Variants in TNFRSF19 observed in about 807,000 individuals in gnomAD.
TNFRSF19 encodes the protein TNF receptor superfamily member 19.
Under a neutral mutation model 46.4 loss-of-function variants are expected in TNFRSF19, and 27 were observed. The observed-to-expected ratio is 0.58, with a 90% CI of 0.43 to 0.80. TNFRSF19 has a LOEUF of 0.80. Ranked by LOEUF, TNFRSF19 falls within the 30% of genes least tolerant of loss-of-function variation. The pLI is 0.00. For missense variants in TNFRSF19, 511 were observed against 530.8 expected, an observed-to-expected ratio of 0.96 and a Z score of 0.37; for synonymous variants, 204 against 205.0, an observed-to-expected ratio of 1.00 and a Z score of 0.04.
At chr13:23,661,002 A>T (rs371736897) in intron 7 of TNFRSF19, among the ~76,000 whole-genome samples, 3 of 152,224 alleles carry the variant, frequency 2.0e-5, no homozygotes, top group Non-Finnish European at 2.9e-5. Flanking sequence ...TTCAAAGGGA[A>T]ACTGGTCTCT....
rs1218571778 is a variant in TNFRSF19 at position 23,570,631 on chromosome 13, A to G, written c.-252A>G. ...AGTGAACTTTCTTTGATATCCATGC[A>G]TATATATAAACTCAGCCCTGCCTTT... On this transcript the variant is annotated 5_prime_UTR_variant, in exon 1 of 10. Transcript: ENST00000248484. 6.6e-6 allele frequency: 1 copy of G among 150,932 alleles called. No individual in the cohort carries two copies. Among genetic ancestry groups the G allele is most frequent in the Non-Finnish European group, 1.5e-5 (1 of 68,050 alleles). 9.3% of individuals were successfully genotyped at this position (150,932 alleles called of 1,614,324 possible).
intron 1 of TNFRSF19, among the ~76,000 whole-genome samples, chr13:23,574,810 AG>A (rs1280549361): frequency 6.6e-6 from 1 of 152,202 alleles, no homozygotes; most frequent in African/African-American, 2.4e-5. Flanking sequence ...TACTGTCACT[AG>A]TCATTCAGCT....
intron 3 of TNFRSF19, among the ~76,000 whole-genome samples, chr13:23,607,900 C>T (rs1223516662): frequency 4.6e-5 from 7 of 152,150 alleles, no homozygotes; most frequent in Non-Finnish European, 7.3e-5. Flanking sequence ...CTTTCCTCTG[C>T]GGTTTTATTT....
chr13:23,636,057 G>A (rs766598985), intron 5 of TNFRSF19, among the ~76,000 whole-genome samples: 35 of 152,146 alleles, frequency 2.3e-4, no homozygotes, highest in Non-Finnish European at 4.7e-4. Context: ...GGGTCCGTTA[G>A]TGAGACGTCT....
intron 3 of TNFRSF19, among the ~76,000 whole-genome samples, chr13:23,614,549 C>T (rs893310203): frequency 2.0e-5 from 3 of 152,092 alleles, no homozygotes; most frequent in Admixed American, 6.6e-5. Flanking sequence ...TTCTTGCAAG[C>T]CTTTCTTCCT....
At chr13:23,598,529 A>G (rs1879900713) in intron 3 of TNFRSF19, among the ~76,000 whole-genome samples, 1 of 152,208 alleles carries the variant, frequency 6.6e-6, no homozygotes, top group Admixed American at 6.5e-5. Flanking sequence ...CTGAGATAGC[A>G]GGCATTTTCC....
At chr13:23,583,103 T>G (rs1007089323) in intron 1 of TNFRSF19, among the ~76,000 whole-genome samples, 10 of 152,252 alleles carry the variant, frequency 6.6e-5, no homozygotes, top group African/African-American at 2.4e-4. Flanking sequence ...TAAAGGTGTG[T>G]GCTTAACATT....
Position 23,673,884 on chromosome 13 carries a change from G to T in TNFRSF19, c.*504G>T, listed in dbSNP as rs1951791956. ...AAAAGTGAGTGTTTCTATTTGAGAA[G>T]GACACTTTTTCATCATCTAAACTGA... On this transcript the variant is annotated 3_prime_UTR_variant, in exon 10 of 10. Coordinates refer to ENST00000248484, the MANE Select transcript of TNFRSF19 (RefSeq NM_148957.4). 1 of 152,608 alleles carries T rather than the reference G, an allele frequency of 6.6e-6. No individual in the cohort carries two copies. The highest frequency in any genetic ancestry group is 2.1e-4 in the South Asian group (1 of 4,834). The allele number at this position is 152,608 out of a possible 1,614,324, so 9.5% of individuals were successfully genotyped here. A position where few individuals can be genotyped will look rare whatever the true frequency, so the allele number is the denominator to read the frequency against.
At chr13:23,611,188 G>A (rs551208608) in intron 3 of TNFRSF19, among the ~76,000 whole-genome samples, 1 of 152,032 alleles carries the variant, frequency 6.6e-6, no homozygotes, top group Non-Finnish European at 1.5e-5. Flanking sequence ...CAACTCTAGT[G>A]CAACTTGGAA....
chr13:23,575,877 T>A (rs1334704975), intron 1 of TNFRSF19, among the ~76,000 whole-genome samples: 1 of 152,202 alleles, frequency 6.6e-6, no homozygotes, highest in Non-Finnish European at 1.5e-5. Context: ...TTTCCTTAGT[T>A]CAACTTTTGG....
intron 1 of TNFRSF19, among the ~76,000 whole-genome samples, chr13:23,588,846 T>G (rs1879041214): frequency 6.6e-6 from 1 of 152,224 alleles, no homozygotes; most frequent in Non-Finnish European, 1.5e-5. Context: ...CTGTTTGAAT[T>G]CACTTCAAAT....
intron 5 of TNFRSF19, among the ~76,000 whole-genome samples, chr13:23,653,946 C>T (rs1883812557): frequency 6.6e-6 from 1 of 152,106 alleles, no homozygotes; most frequent in African/African-American, 2.4e-5. Flanking sequence ...TGCAGGAGCT[C>T]ACCTGCCCTA....
At chr13:23,633,111 CTTT>C (rs34800120) in intron 5 of TNFRSF19, among the ~76,000 whole-genome samples, 3 of 136,124 alleles carry the variant, frequency 2.2e-5, no homozygotes, top group Non-Finnish European at 1.6e-5. Context: ...TTGTTGACGT[CTTT>C]TTTTTTTTTT....
chr13:23,599,603 A>G (rs1879984752), intron 3 of TNFRSF19, among the ~76,000 whole-genome samples: 1 of 152,176 alleles, frequency 6.6e-6, no homozygotes. Context: ...GTTATTATCT[A>G]AAGACCTGGA....
At chr13:23,584,787 C>T (rs1878705812) in intron 1 of TNFRSF19, among the ~76,000 whole-genome samples, 2 of 151,988 alleles carry the variant, frequency 1.3e-5, no homozygotes, top group Non-Finnish European at 2.9e-5. Flanking sequence ...TCTCATTTTC[C>T]AGCCAATAAC....
At chr13:23,612,945 C>A (rs1276028100) in intron 3 of TNFRSF19, among the ~76,000 whole-genome samples, 1 of 152,208 alleles carries the variant, frequency 6.6e-6, no homozygotes, top group African/African-American at 2.4e-5. Flanking sequence ...AGTTGAATGA[C>A]TGACTGGCAG....
At chr13:23,660,278 G>A in intron 6 of TNFRSF19, 87 bp from the exon 7 acceptor site, 1 of 1,335,098 alleles carries the variant, frequency 7.5e-7, no homozygotes, top group Non-Finnish European at 1.0e-6. Flanking sequence ...TAGCTGATTT[G>A]TTCTTTAAAA....
chr13:23,589,399 A>G (rs530884350), intron 1 of TNFRSF19, among the ~76,000 whole-genome samples: 4 of 152,364 alleles, frequency 2.6e-5, no homozygotes, highest in South Asian at 2.1e-4. Context: ...TTTTTCTGCC[A>G]TACATACTTT....
At chr13:23,581,777 A>T (rs1878453844) in intron 1 of TNFRSF19, among the ~76,000 whole-genome samples, 2 of 152,112 alleles carry the variant, frequency 1.3e-5, no homozygotes, top group African/African-American at 2.4e-5. Flanking sequence ...CCTGTGCTTA[A>T]CTCAATCCCC....
Sources: gnomAD v4.1 joint callset for allele counts (sites outside exome capture counted in the v4.1 genomes callset) on GRCh38, gnomAD v4.1.1 for gene constraint, MANE v1.5 for transcripts, NCBI Gene and HGNC (gene_info 2026-07-23, HGNC 2026-07-21) for gene names.